ICOS: variants seen among roughly 807,000 people sequenced by gnomAD.
ICOS encodes the protein inducible T-cell costimulator.
A neutral mutation model predicts 24.6 loss-of-function variants in ICOS; 15 were observed. The ratio of observed to expected loss-of-function variants is 0.61; its 90% CI spans 0.41 to 0.94. ICOS has a LOEUF of 0.94. Among genes scored for constraint, ICOS ranks in the 40% least tolerant of loss-of-function variants. ICOS has a pLI of 0.00. For missense variants in ICOS, 200 were observed against 233.0 expected (o/e 0.86, Z 0.92); for synonymous variants, 89 against 77.5 (o/e 1.15, Z -0.78).
intron 1 of ICOS, among the ~76,000 whole-genome samples, chr2:203,943,038 A>C (rs1003294002): frequency 1.3e-5 from 2 of 152,138 alleles, no homozygotes. Context: ...TATTTCCTTG[A>C]ATATTTCTGC....
rs753960722 is a variant in ICOS at position 203,955,802 on chromosome 2, G to T, written c.225G>T (p.Val75=). 1.9e-6 allele frequency: 3 copies of T among 1,613,828 alleles called. No individual in the cohort carries two copies. The highest frequency in any genetic ancestry group is 2.2e-5 in the South Asian group (2 of 91,080). ...LTKTKGSGNT[V]SIKSLKFCHS... Reference sequence around the variant, plus strand: ...AGACAAAAGGAAGTGGAAACACAGTGTCCATTAAGAGTCTGAAATTCTGCC... The same window carrying T: ...AGACAAAAGGAAGTGGAAACACAGTTTCCATTAAGAGTCTGAAATTCTGCC... The change falls in exon 2 of 5, where the codon GTG becomes GTT. Residue 75 remains valine, a synonymous_variant. Transcript: ENST00000316386.
intron 1 of ICOS, among the ~76,000 whole-genome samples, chr2:203,947,356 T>G (rs1337580065): frequency 6.6e-6 from 1 of 152,166 alleles, no homozygotes; most frequent in African/African-American, 2.4e-5. Flanking sequence ...GTTGCCAGGC[T>G]GGAGTGCAGT....
chr2:203,936,894 TC>T (rs1689661105), intron 1 of ICOS, 22 bp downstream of exon 1: 2 of 1,500,774 alleles, frequency 1.3e-6, no homozygotes, highest in Non-Finnish European at 1.9e-6. Context: ...ATTGAATATT[TC>T]TTATTAAGTT....
chr2:203,939,152 A>G (rs1689719177), intron 1 of ICOS, among the ~76,000 whole-genome samples: 1 of 152,224 alleles, frequency 6.6e-6, no homozygotes, highest in African/African-American at 2.4e-5. Flanking sequence ...TTTGTTACAC[A>G]GTAGTTGGTG....
intron 1 of ICOS, among the ~76,000 whole-genome samples, chr2:203,945,488 T>A (rs1689852375): frequency 6.6e-6 from 1 of 152,174 alleles, no homozygotes; most frequent in African/African-American, 2.4e-5. Context: ...GAGAAATGTG[T>A]CCTTAGTGAT....
chr2:203,947,068 A>G (rs1170065709), intron 1 of ICOS, among the ~76,000 whole-genome samples: 4 of 152,204 alleles, frequency 2.6e-5, no homozygotes, highest in African/African-American at 9.7e-5. Flanking sequence ...ATACTGGTGA[A>G]ATGAAGTAGT....
intron 1 of ICOS, among the ~76,000 whole-genome samples, chr2:203,951,652 T>C (rs1689976021): frequency 2.0e-5 from 3 of 152,204 alleles, no homozygotes; most frequent in African/African-American, 7.2e-5. Flanking sequence ...TAGAAGACAA[T>C]GCGTCTATGT....
intron 1 of ICOS, among the ~76,000 whole-genome samples, chr2:203,946,567 T>C (rs1359702317): frequency 6.6e-6 from 1 of 152,166 alleles, no homozygotes. Flanking sequence ...ATGATGCATA[T>C]ATAAAAATCT....
chr2:203,945,554 G>C (rs1489160641), intron 1 of ICOS, among the ~76,000 whole-genome samples: 2 of 152,194 alleles, frequency 1.3e-5, no homozygotes, highest in African/African-American at 2.4e-5. Context: ...CTAGATGGCA[G>C]AGCCTACTGC....
chr2:203,953,413 G>T (rs1051547226), intron 1 of ICOS, among the ~76,000 whole-genome samples: 5 of 152,098 alleles, frequency 3.3e-5, no homozygotes, highest in Non-Finnish European at 5.9e-5. Flanking sequence ...ATTTTTGGTT[G>T]TTTTGGCGTG....
intron 1 of ICOS, among the ~76,000 whole-genome samples, chr2:203,937,178 A>G (rs982488694): frequency 1.3e-5 from 2 of 152,212 alleles, no homozygotes; most frequent in Non-Finnish European, 2.9e-5. Context: ...TACTGTTCTT[A>G]GAGAAAGATG....
intron 1 of ICOS, among the ~76,000 whole-genome samples, chr2:203,951,030 A>T (rs1421404856): frequency 6.6e-6 from 1 of 151,844 alleles, no homozygotes; most frequent in Admixed American, 6.6e-5. Flanking sequence ...ACTGCACTCT[A>T]GCCTGCTGGT....
At chr2:203,956,411 T>C (rs1690079068) in intron 2 of ICOS, among the ~76,000 whole-genome samples, 1 of 152,174 alleles carries the variant, frequency 6.6e-6, no homozygotes, top group Non-Finnish European at 1.5e-5. Context: ...TTTATAAAAA[T>C]ATAGGCAGAA....
chr2:203,958,317 A>C (rs1690113352), intron 4 of ICOS, among the ~76,000 whole-genome samples: 1 of 152,196 alleles, frequency 6.6e-6, no homozygotes, highest in South Asian at 2.1e-4. Flanking sequence ...TGAGATTAGG[A>C]AGAGAGATCT....
intron 1 of ICOS, among the ~76,000 whole-genome samples, chr2:203,938,075 C>G (rs1326459851): frequency 6.6e-6 from 1 of 152,214 alleles, no homozygotes; most frequent in Non-Finnish European, 1.5e-5. Context: ...AAAACCAGGT[C>G]AACCCCTGTT....
In ICOS at chr2:203,955,926, C is replaced by T; in HGVS notation, c.349C>T (p.Pro117Ser). 1 of 1,612,944 alleles carries T rather than the reference C, an allele frequency of 6.2e-7. No individual in the cohort carries two copies. Among genetic ancestry groups the T allele is most frequent in the Non-Finnish European group, 8.5e-7 (1 of 1,179,202 alleles). Residue 117 changes from proline (P) to serine (S), a missense_variant, in exon 2 of 5, where the codon CCT becomes TCT. Transcript: ENST00000316386. ...YFCNLSIFDP[P>S]PFKVTLTGGY... is the part of the protein sequence containing the mutation. ...CTGCAACCTATCAATTTTTGATCCT[C>T]CTCCTTTTAAAGTAACTCTTACAGG...
At chr2:203,939,287 G>T (rs954338270) in intron 1 of ICOS, among the ~76,000 whole-genome samples, 4 of 152,088 alleles carry the variant, frequency 2.6e-5, no homozygotes, top group Admixed American at 2.6e-4. Flanking sequence ...GATCACCTTT[G>T]TTATTTGGTT....
In ICOS at chr2:203,961,286, C is replaced by T; in HGVS notation, c.*1687C>T. The T allele has an allele frequency of 6.3e-6, 1 of 158,012 alleles. No homozygotes were observed. Among genetic ancestry groups the T allele is most frequent in the Non-Finnish European group, 1.4e-5 (1 of 71,984 alleles). 9.8% of individuals were successfully genotyped at this position (158,012 alleles called of 1,614,324 possible). On this transcript the variant is annotated 3_prime_UTR_variant, in exon 5 of 5. Transcript: ENST00000316386. Reference sequence around the variant, plus strand: ...ATCTAGTATGGTGTTCTGTTTTCAGCTGACTTGGACAACCTGACTGGCTTT... The same window carrying T: ...ATCTAGTATGGTGTTCTGTTTTCAGTTGACTTGGACAACCTGACTGGCTTT...
chr2:203,954,288 G>T (rs745725072), intron 1 of ICOS, among the ~76,000 whole-genome samples: 2 of 152,126 alleles, frequency 1.3e-5, no homozygotes, highest in Non-Finnish European at 2.9e-5. Context: ...ATTTATTTCA[G>T]AAAATGAAAA....
Sources: gnomAD v4.1 joint callset for allele counts (sites outside exome capture counted in the v4.1 genomes callset) on GRCh38, gnomAD v4.1.1 for gene constraint, MANE v1.5 for transcripts, NCBI Gene and HGNC (gene_info 2026-07-23, HGNC 2026-07-21) for gene names.